CAMTA2: variants seen among roughly 807,000 people sequenced by gnomAD.
The protein encoded by CAMTA2 is calmodulin-binding transcription activator 2.
In CAMTA2, 56 loss-of-function variants were observed where a neutral mutation model predicts 135.7. The observed-to-expected ratio is 0.41, with a 90% confidence interval of 0.33 to 0.52. CAMTA2 has a LOEUF of 0.52. Among genes scored for constraint, CAMTA2 ranks in the 20% least tolerant of loss-of-function variants. The probability of loss-of-function intolerance (pLI) is 0.16; values close to 1 mark genes in which losing one functional copy is unlikely to be tolerated. For missense variants in CAMTA2, 1,358 were observed against 1,553.4 expected (o/e 0.87, Z 2.11); for synonymous variants, 591 against 604.6 (o/e 0.98, Z 0.33).
At position 4,982,747 on chromosome 17, in the gene CAMTA2, A is replaced by T. The variant is rs745498079; in HGVS notation, c.339+10T>A. 6.2e-7 allele frequency: 1 copy of T among 1,612,634 alleles called. No individual in the cohort carries two copies. ...CTCGGGAAGATGAGCTGAATATCTGACTCTCTTACCTCCATGCCCTGGACC... is the reference window on the plus strand; with the variant it reads ...CTCGGGAAGATGAGCTGAATATCTGTCTCTCTTACCTCCATGCCCTGGACC... On this transcript the variant is annotated intron_variant, in intron 5 of 22. Transcript: ENST00000348066.
intron 10 of CAMTA2, among the ~76,000 whole-genome samples, chr17:4,977,773 TCCTTGAGGTCC>T (rs1401434442): frequency 2.0e-5 from 3 of 152,218 alleles, no homozygotes; most frequent in African/African-American, 7.2e-5. Flanking sequence ...ACTTTGGTGG[TCCTTGAGGTCC>T]CCTAGTAAGG....
chr17:4,970,059 A>G lies in CAMTA2; in HGVS notation c.3032T>C (p.Leu1011Pro). Residue 1011 changes from leucine (L) to proline (P), a missense_variant, in exon 18 of 23, where the codon CTG becomes CCG. Coordinates refer to ENST00000348066, the MANE Select transcript of CAMTA2 (RefSeq NM_015099.4). ...PSELPFERGR[L>P]AVPSAPSWAE... is the part of the protein sequence containing the mutation. ...CCAGGAGGGTGCTGAAGGGACAGCC[A>G]GGCGACCTCGCTCAAAGGGCAGTTC... 2 of 1,614,134 alleles carry G rather than the reference A, an allele frequency of 1.2e-6. No homozygotes were observed. The highest frequency in any genetic ancestry group is 1.1e-5 in the South Asian group (1 of 91,090).
chr17:4,985,163 G>A (rs987009728), intron 3 of CAMTA2, among the ~76,000 whole-genome samples: 2 of 152,204 alleles, frequency 1.3e-5, no homozygotes, highest in African/African-American at 4.8e-5. Flanking sequence ...TCCAGCCTGG[G>A]CAACAAGAGC....
chr17:4,973,854 C>T (rs1429538061), intron 12 of CAMTA2, 85 bp from the exon 13 acceptor site: 1 of 1,281,256 alleles, frequency 7.8e-7, no homozygotes, highest in African/African-American at 1.5e-5. Context: ...ATCTGTCCTC[C>T]CAGCTTCTAA....
In CAMTA2 at chr17:4,968,534, G is replaced by A. The variant is rs1197999579; in HGVS notation, c.*222C>T. On this transcript the variant is annotated 3_prime_UTR_variant, in exon 23 of 23. Transcript: ENST00000348066. ...CGGAAGATGCAGGTATGTGGGGCGC[G>A]GGTTTTCTGGAGCCAGGACCAAAAG... 10 of 599,784 alleles carry A rather than the reference G, an allele frequency of 1.7e-5. No individual in the cohort carries two copies. The Admixed American group carries it at 2.0e-4, about 12-fold the overall frequency. 37.2% of individuals were successfully genotyped at this position (599,784 alleles called of 1,614,324 possible). A position where few individuals can be genotyped will look rare whatever the true frequency, so the allele number is the denominator to read the frequency against.
rs1306814808 is a variant in CAMTA2, at chr17:4,969,483, G to A, written c.3282+17C>T. 1.6e-5 allele frequency: 26 copies of A among 1,614,056 alleles called. No homozygotes were observed. Among genetic ancestry groups the A allele is most frequent in the Non-Finnish European group, 2.2e-5 (26 of 1,179,914 alleles). On this transcript the variant is annotated intron_variant, in intron 20 of 22. Coordinates refer to ENST00000348066, the MANE Select transcript of CAMTA2 (RefSeq NM_015099.4). The surrounding 1 kb of genome is among the most constrained non-coding windows in gnomAD (Gnocchi z 5.6). Reference sequence around the variant, plus strand: ...TGAATCATCACAGACCTCACACTCAGAGCTCATGCCTAATACCTTAAGTGC... The same window carrying A: ...TGAATCATCACAGACCTCACACTCAAAGCTCATGCCTAATACCTTAAGTGC...
At chr17:4,970,638 C>G in intron 16 of CAMTA2, 102 bp from the exon 17 acceptor site, 1 of 945,298 alleles carries the variant, frequency 1.1e-6, no homozygotes, top group Non-Finnish European at 1.6e-6. Context: ...CCAGGTGCTG[C>G]TAACCCTGTC....
chr17:4,969,430 T>A lies in CAMTA2; in HGVS notation c.3282+70A>T. 1 of 1,608,702 alleles carries A rather than the reference T, an allele frequency of 6.2e-7. No homozygotes were observed. The highest frequency in any genetic ancestry group is 8.5e-7 in the Non-Finnish European group (1 of 1,175,100). On this transcript the variant is annotated intron_variant, in intron 20 of 22. Coordinates refer to ENST00000348066, the MANE Select transcript of CAMTA2 (RefSeq NM_015099.4). The surrounding 1 kb of genome is among the most constrained non-coding windows in gnomAD (Gnocchi z 5.6). ...CCCAAGTTAGGCTGATGCAAGACTCTCTGTAACCCACACACTCAAGGAAAG... is the reference window on the plus strand; with the variant it reads ...CCCAAGTTAGGCTGATGCAAGACTCACTGTAACCCACACACTCAAGGAAAG...
At chr17:4,977,634 A>G (rs1972693717) in intron 10 of CAMTA2, among the ~76,000 whole-genome samples, 1 of 152,224 alleles carries the variant, frequency 6.6e-6, no homozygotes, top group Admixed American at 6.5e-5. Context: ...TCCTAAGACC[A>G]GGTGCTGAGA....
At chr17:4,971,677 T>G (rs529969236) in intron 16 of CAMTA2, among the ~76,000 whole-genome samples, 1 of 146,086 alleles carries the variant, frequency 6.8e-6, no homozygotes, top group African/African-American at 2.6e-5. Flanking sequence ...ATATTTTAAA[T>G]CTTACTATTT....
Position 4,982,911 on chromosome 17 carries a change from C to T in CAMTA2, c.204-19G>A. The T allele has an allele frequency of 6.2e-7, 1 of 1,614,152 alleles. No homozygotes were observed. Among genetic ancestry groups the T allele is most frequent in the Non-Finnish European group, 8.5e-7 (1 of 1,180,024 alleles). The stretch of plus-strand genomic sequence containing the variant: ...CTGAGGCCTGGGAAGGGAAGGGTTG[C>T]CCTGGAGTTCTGTGAACAGAACCCA... On this transcript the variant is annotated intron_variant, in intron 4 of 22. Transcript: ENST00000348066.
chr17:4,980,962 T>A lies in CAMTA2; in HGVS notation c.700+263A>T, dbSNP rs1972923669. On this transcript the variant is annotated intron_variant, in intron 8 of 22. Transcript: ENST00000348066. The surrounding 1 kb of genome is among the most constrained non-coding windows in gnomAD (Gnocchi z 5.3). The stretch of plus-strand genomic sequence containing the variant: ...CTAGGAGGAAGGCTAAGGCTGGGTG[T>A]CACTGGTGGTGCTGAGGGGACAGGA... Among the ~76,000 whole-genome samples, 1 of 152,072 alleles carries A rather than the reference T, an allele frequency of 6.6e-6. No homozygotes were observed. Among genetic ancestry groups the A allele is most frequent in the South Asian group, 2.1e-4 (1 of 4,822 alleles).
In CAMTA2 at chr17:4,969,086, G is replaced by A. The variant is rs905690899; in HGVS notation, c.3470+64C>T. 5.1e-6 allele frequency: 8 copies of A among 1,582,186 alleles called. No homozygotes were observed. Among genetic ancestry groups the A allele is most frequent in the Non-Finnish European group, 6.9e-6 (8 of 1,158,570 alleles). On this transcript the variant is annotated intron_variant, in intron 21 of 22. Transcript: ENST00000348066. This position sits in a 1 kb window ranked among gnomAD's most constrained non-coding sequence, Gnocchi z 5.6. The stretch of plus-strand genomic sequence containing the variant: ...GGCAGTGAGGCATGATGATCAAGAG[G>A]ATGAGTAAGGGGGAATGGCGTGGAT...
intron 8 of CAMTA2, 121 bp downstream of exon 8, chr17:4,981,104 G>C: frequency 8.0e-7 from 1 of 1,250,888 alleles, no homozygotes; most frequent in African/African-American, 1.5e-5. Flanking sequence ...CCATCTTTCT[G>C]GGACATGCAA....
intron 1 of CAMTA2, chr17:4,986,976 G>C: frequency 6.7e-7 from 1 of 1,486,508 alleles, no homozygotes; most frequent in Non-Finnish European, 8.9e-7. Context: ...TCTGGCTCCA[G>C]CCTGAGCCCC....
In CAMTA2 at chr17:4,968,445, G is replaced by A. The variant is rs931873689; in HGVS notation, c.*311C>T. The A allele has an allele frequency of 1.9e-6, 1 of 513,484 alleles. No individual in the cohort carries two copies. The highest frequency in any genetic ancestry group is 1.9e-5 in the African/African-American group (1 of 52,150). 31.8% of individuals were successfully genotyped at this position (513,484 alleles called of 1,614,324 possible). A position where few individuals can be genotyped will look rare whatever the true frequency, so the allele number is the denominator to read the frequency against. Reference sequence around the variant, plus strand: ...AATAAATAAGGCAAGTCAGGAGGGGGCCGAGTCGGGTGCAGGCAGGAGGAG... The same window carrying A: ...AATAAATAAGGCAAGTCAGGAGGGGACCGAGTCGGGTGCAGGCAGGAGGAG... On this transcript the variant is annotated 3_prime_UTR_variant, in exon 23 of 23. Transcript: ENST00000348066.
At chr17:4,987,532 TG>T in intron 1 of CAMTA2, 60 bp downstream of exon 1, 1 of 1,464,356 alleles carries the variant, frequency 6.8e-7, no homozygotes, top group Non-Finnish European at 9.0e-7. Flanking sequence ...CGTCGGGACC[TG>T]GAGGAGCTGC....
chr17:4,985,092 A>G (rs1973184808), intron 3 of CAMTA2, among the ~76,000 whole-genome samples: 1 of 151,790 alleles, frequency 6.6e-6, no homozygotes, highest in Non-Finnish European at 1.5e-5. Context: ...AGGCTGAGGC[A>G]GGGGAATCAC....
intron 12 of CAMTA2, 68 bp downstream of exon 12, chr17:4,974,317 G>C: frequency 2.0e-6 from 2 of 980,212 alleles, no homozygotes; most frequent in Admixed American, 1.7e-5. Context: ...ATGGGCACTA[G>C]ATGTTTTCTT....
Sources: gnomAD v4.1 joint callset for allele counts (sites outside exome capture counted in the v4.1 genomes callset) on GRCh38, gnomAD v4.1.1 for gene constraint, Gnocchi (gnomAD v3.1) non-coding constraint, MANE v1.5 for transcripts, NCBI Gene and HGNC (gene_info 2026-07-23, HGNC 2026-07-21) for gene names.